PPP1R3A: variants seen among roughly 807,000 people sequenced by gnomAD.
PPP1R3A encodes the protein protein phosphatase 1 regulatory subunit 3A.
In PPP1R3A, 29 loss-of-function variants were observed where a neutral mutation model predicts 41.7. That is an observed-to-expected ratio of 0.70 (90% CI 0.52 to 0.95). PPP1R3A has a LOEUF of 0.95. Among genes scored for constraint, PPP1R3A ranks in the 40% least tolerant of loss-of-function variants. The pLI is 0.00. For missense variants in PPP1R3A, 1,352 were observed against 1,292.4 expected (o/e 1.05, Z -0.71); for synonymous variants, 485 against 453.4 (o/e 1.07, Z -0.89).
In PPP1R3A at chr7:113,878,551, T is replaced by C. The variant is rs767483365; in HGVS notation, c.2541A>G (p.Glu847=). The change falls in exon 4 of 4, where the codon GAA becomes GAG. Residue 847 remains glutamate (E), a synonymous_variant. Transcript: ENST00000284601. ...GATATTCTGTAATGACCCATGAGGA[T>C]TCTTCCACAGATGTTATATTTCCAG... ...CGTGNITSVE[E]SSWVITEYQK... 1.2e-6 allele frequency: 2 copies of C among 1,613,640 alleles called. No homozygotes were observed. The highest frequency in any genetic ancestry group is 1.7e-6 in the Non-Finnish European group (2 of 1,179,724).
chr7:113,914,973 C>A (rs954730813), intron 1 of PPP1R3A, among the ~76,000 whole-genome samples: 3 of 151,978 alleles, frequency 2.0e-5, no homozygotes, highest in African/African-American at 7.2e-5. Flanking sequence ...TCATTTTTGT[C>A]ATTGATTTTA....
At chr7:113,886,294 T>C (rs1796783834) in intron 1 of PPP1R3A, among the ~76,000 whole-genome samples, 1 of 152,076 alleles carries the variant, frequency 6.6e-6, no homozygotes, top group South Asian at 2.1e-4. Flanking sequence ...GGTGATTGTA[T>C]TATGGGGGTG....
chr7:113,879,511 A>T lies in PPP1R3A; in HGVS notation c.1581T>A (p.Asn527Lys). ...DEEQRIYLGV[N>K]EKQRKNFQTI... The stretch of plus-strand genomic sequence containing the variant: ...TTTGGAAATTTTTTCTTTGTTTTTC[A>T]TTAACACCTAAATATATTCTTTGTT... Residue 527 changes from asparagine to lysine, a missense_variant, in exon 4 of 4, where the codon AAT becomes AAA. Physicochemically the swap from Asn to Lys is moderately conservative, Grantham distance 94. Transcript: ENST00000284601. The T allele has an allele frequency of 6.2e-7, 1 of 1,613,058 alleles. No homozygotes were observed.
chr7:113,889,978 A>G, intron 1 of PPP1R3A, among the ~76,000 whole-genome samples: 1 of 152,106 alleles, frequency 6.6e-6, no homozygotes, highest in Non-Finnish European at 1.5e-5. Context: ...ACCTTCTAGA[A>G]GGACATGGCC....
intron 1 of PPP1R3A, among the ~76,000 whole-genome samples, chr7:113,892,948 T>C (rs1186368373): frequency 6.6e-6 from 1 of 152,032 alleles, no homozygotes; most frequent in African/African-American, 2.4e-5. Flanking sequence ...ACATTTCTTA[T>C]GTGTAAAGTG....
chr7:113,882,885 C>T (rs1398758956), intron 1 of PPP1R3A, among the ~76,000 whole-genome samples: 3 of 151,954 alleles, frequency 2.0e-5, no homozygotes, highest in African/African-American at 7.2e-5. Context: ...AACTGAAAGG[C>T]AGCTAAATTT....
intron 1 of PPP1R3A, among the ~76,000 whole-genome samples, chr7:113,916,158 AT>A (rs1797339134): frequency 6.6e-6 from 1 of 152,042 alleles, no homozygotes; most frequent in Non-Finnish European, 1.5e-5. Flanking sequence ...TATGTTGGTC[AT>A]TTTTAAGTTA....
chr7:113,879,145 G>A lies in PPP1R3A; in HGVS notation c.1947C>T (p.Ser649=). Residue 649 remains serine (S), a synonymous_variant, in exon 4 of 4, where the codon AGC becomes AGT. Transcript: ENST00000284601. ...GGINSEDQDN[S]PQHKQSWNVL... ...CATTCCAACTTTGTTTATGCTGTGG[G>A]CTATTATCCTGATCTTCAGAATTAA... 6.2e-7 allele frequency: 1 copy of A among 1,613,598 alleles called. No homozygotes were observed. Among genetic ancestry groups the A allele is most frequent in the Non-Finnish European group, 8.5e-7 (1 of 1,179,780 alleles).
At chr7:113,906,218 TATTCA>T (rs1374628318) in intron 1 of PPP1R3A, among the ~76,000 whole-genome samples, 2 of 151,846 alleles carry the variant, frequency 1.3e-5, no homozygotes, top group Non-Finnish European at 2.9e-5. Flanking sequence ...TATTAATTTT[TATTCA>T]ATTTAGACAA....
chr7:113,880,588 A>G (rs754115006), intron 3 of PPP1R3A, among the ~76,000 whole-genome samples: 8 of 151,998 alleles, frequency 5.3e-5, no homozygotes, highest in Non-Finnish European at 1.2e-4. Context: ...AACGTCACTC[A>G]AAGAAAAGTG....
intron 1 of PPP1R3A, among the ~76,000 whole-genome samples, chr7:113,912,843 G>A (rs1797273932): frequency 6.6e-6 from 1 of 152,046 alleles, no homozygotes; most frequent in Non-Finnish European, 1.5e-5. Flanking sequence ...TTTGAGGCAT[G>A]GCATTCATAG....
chr7:113,878,547 A>G lies in PPP1R3A; in HGVS notation c.2545T>C (p.Ser849Pro). ...TTTTGATATTCTGTAATGACCCATG[A>G]GGATTCTTCCACAGATGTTATATTT... is the stretch of plus-strand genomic sequence containing the variant. ...TGNITSVEES[S>P]WVITEYQKAT... The change falls in exon 4 of 4, where the codon TCA becomes CCA. Residue 849 changes from serine to proline, a missense_variant. Physicochemically the swap from Ser to Pro is moderately conservative, Grantham distance 74. Transcript: ENST00000284601. 1 of 1,613,624 alleles carries G rather than the reference A, an allele frequency of 6.2e-7. No individual in the cohort carries two copies. Among genetic ancestry groups the G allele is most frequent in the Non-Finnish European group, 8.5e-7 (1 of 1,179,712 alleles).
rs1363685189 is a variant in PPP1R3A at position 113,919,007 on chromosome 7, G to C, written c.-11C>G. 1 of 1,602,956 alleles carries C rather than the reference G, an allele frequency of 6.2e-7. No individual in the cohort carries two copies. The highest frequency in any genetic ancestry group is 1.1e-5 in the South Asian group (1 of 90,854). On this transcript the variant is annotated 5_prime_UTR_variant, in exon 1 of 4. The change creates a new upstream start codon in the 5' untranslated region. Transcript: ENST00000284601. ...TTCAGAAGGCTCCATTGGGCTCTCTGATATCAAATAAGAGAGAACTGTACG... is the reference window on the plus strand; with the variant it reads ...TTCAGAAGGCTCCATTGGGCTCTCTCATATCAAATAAGAGAGAACTGTACG...
chr7:113,891,430 A>G (rs755306556), intron 1 of PPP1R3A, among the ~76,000 whole-genome samples: 1 of 151,982 alleles, frequency 6.6e-6, no homozygotes, highest in South Asian at 2.1e-4. Flanking sequence ...ATATTCTCTC[A>G]TATCTTTAAT....
At chr7:113,891,267 A>G (rs1472401686) in intron 1 of PPP1R3A, among the ~76,000 whole-genome samples, 1 of 152,022 alleles carries the variant, frequency 6.6e-6, no homozygotes, top group African/African-American at 2.4e-5. Context: ...ATTATTTAGC[A>G]TAGTTTCCAA....
chr7:113,908,602 G>T (rs1401089124), intron 1 of PPP1R3A, among the ~76,000 whole-genome samples: 2 of 151,682 alleles, frequency 1.3e-5, no homozygotes, highest in Non-Finnish European at 2.9e-5. Flanking sequence ...AAAACAAAAG[G>T]ATACAATGTA....
intron 1 of PPP1R3A, among the ~76,000 whole-genome samples, chr7:113,890,614 T>A (rs1420073204): frequency 1.3e-5 from 2 of 152,086 alleles, no homozygotes; most frequent in African/African-American, 4.8e-5. Flanking sequence ...AAAGAATAAA[T>A]GTTTGTGTAT....
chr7:113,886,292 T>C lies in PPP1R3A; in HGVS notation c.783-3972A>G, dbSNP rs377699699. Among the ~76,000 whole-genome samples the C allele has an allele frequency of 1.5e-4, 23 of 152,186 alleles. No individual in the cohort carries two copies. The East Asian group carries it at 1.7e-3, about 12-fold the overall frequency. On this transcript the variant is annotated intron_variant, in intron 1 of 3. Transcript: ENST00000284601. ...GGAAGAACCCAGAGGGAGGTGATTG[T>C]ATTATGGGGGTGGGTCTTTTCTGCA...
Position 113,879,821 on chromosome 7 carries a change from C to T in PPP1R3A, c.1271G>A (p.Ser424Asn). ...AGTATGTAATTGCACTAGTTCATCA[C>T]TACTAGTATCTCCCAATGATGGCTT... ...EIKPSLGDTS[S>N]DELVQLHTGS... The change falls in exon 4 of 4, where the codon AGT becomes AAT. Residue 424 changes from serine (S) to asparagine (N), a missense_variant. Coordinates refer to ENST00000284601, the MANE Select transcript of PPP1R3A (RefSeq NM_002711.4). The T allele has an allele frequency of 6.2e-7, 1 of 1,613,334 alleles. No homozygotes were observed. The highest frequency in any genetic ancestry group is 8.5e-7 in the Non-Finnish European group (1 of 1,179,472).
Sources: allele counts gnomAD v4.1 joint callset (sites outside exome capture counted in the v4.1 genomes callset), GRCh38; gene constraint gnomAD v4.1.1; transcripts MANE v1.5; gene names NCBI Gene and HGNC (gene_info 2026-07-23, HGNC 2026-07-21).